Variants in ACE observed in about 807,000 individuals in gnomAD.
The protein encoded by ACE is angiotensin-converting enzyme.
In ACE, 122 loss-of-function variants were observed where a neutral mutation model predicts 162.3. The ratio of observed to expected loss-of-function variants is 0.75; its 90% CI spans 0.65 to 0.87. The LOEUF (loss-of-function observed/expected upper bound fraction) is 0.87. Ranked by LOEUF, ACE falls within the 40% of genes least tolerant of loss-of-function variation. ACE has a pLI of 0.00. For missense variants in ACE, 1,799 were observed against 1,735.1 expected (o/e 1.04, Z -0.65); for synonymous variants, 796 against 720.6 (o/e 1.10, Z -1.68).
In ACE at chr17:63,484,457, C is replaced by T. The variant is rs935167896; in HGVS notation, c.1837C>T (p.Gln613Ter). ...GCCAGTCACCCAGTGGCTGCAGGAG[C>T]AGAACCAGCAGAACGGCGAGGTCCT... ...FQPVTQWLQEQNQQNGEVLGW... is the reference protein window; with the variant it reads ...FQPVTQWLQE Residue 613 changes from glutamine to a stop codon, truncating the protein, a stop_gained, in exon 12 of 25, where the codon CAG becomes TAG. Transcript: ENST00000290866. LOFTEE classifies it high-confidence loss of function. This position sits in a 1 kb window ranked among gnomAD's most constrained non-coding sequence, Gnocchi z 4.0. 6.2e-7 allele frequency: 1 copy of T among 1,611,932 alleles called. No individual in the cohort carries two copies. The highest frequency in any genetic ancestry group is 1.3e-5 in the African/African-American group (1 of 74,922).
rs966519512 is a variant in ACE at position 63,478,817 on chromosome 17, T to C, written c.418-190T>C. 29 of 644,404 alleles carry C rather than the reference T, an allele frequency of 4.5e-5. No homozygotes were observed. The East Asian group carries it at 8.1e-4, about 18-fold the overall frequency. 39.9% of individuals were successfully genotyped at this position (644,404 alleles called of 1,614,324 possible). A position where few individuals can be genotyped will look rare whatever the true frequency, so the allele number is the denominator to read the frequency against. On this transcript the variant is annotated intron_variant, in intron 2 of 24. Coordinates refer to ENST00000290866, the MANE Select transcript of ACE (RefSeq NM_000789.4). The stretch of plus-strand genomic sequence containing the variant: ...CCTGTCCCCCACTCCACAGGCTGCC[T>C]CCACTGGCAGGGGACTCAGAAGTGA...
In ACE at chr17:63,486,660, TAAAG is replaced by T; in HGVS notation, c.2165_2168del (p.Lys722ArgfsTer5). The T allele has an allele frequency of 1.9e-6, 3 of 1,614,166 alleles. No individual in the cohort carries two copies. The highest frequency in any genetic ancestry group is 2.5e-6 in the Non-Finnish European group (3 of 1,180,032). ...CAGAACACCACTATCAAGCGGATCA[TAAAG>T]AAGGTTCAGGACCTAGAACGGGCAG... On this transcript the variant is annotated frameshift_variant, in exon 14 of 25. Coordinates refer to ENST00000290866, the MANE Select transcript of ACE (RefSeq NM_000789.4). LOFTEE classifies it high-confidence loss of function.
At position 63,490,955 on chromosome 17, in the gene ACE, G is replaced by C. The variant is rs558624181; in HGVS notation, c.2643G>C (p.Gly881=). The C allele has an allele frequency of 3.7e-6, 6 of 1,614,168 alleles. No homozygotes were observed. The African/African-American group carries it at 8.0e-5, about 22-fold the overall frequency. Residue 881 remains glycine (G), a splice_region_variant and synonymous_variant, in exon 18 of 25, where the codon GGG becomes GGC. Coordinates refer to ENST00000290866, the MANE Select transcript of ACE (RefSeq NM_000789.4). ...GCCGTCCCCCACACTCGCCTCCAGG[G>C]AACATGTGGGCGCAGACCTGGTCCA... ...LEGPIPAHLL[G]NMWAQTWSNI... is the part of the protein sequence containing the mutation.
intron 22 of ACE, chr17:63,496,141 T>C: frequency 1.9e-6 from 1 of 536,014 alleles, no homozygotes; most frequent in South Asian, 2.0e-5. Context: ...GAGCAGGCCC[T>C]CCTGAGTTGT....
chr17:63,482,097 G>T (rs1435591509), intron 7 of ACE, among the ~76,000 whole-genome samples: 1 of 152,102 alleles, frequency 6.6e-6, no homozygotes, highest in African/African-American at 2.4e-5. Context: ...AGGAGTTCGA[G>T]ACCAGCCTGG....
rs1029316737 is a variant in ACE at position 63,496,660 on chromosome 17, G to C, written c.3504-138G>C. 2.5e-6 allele frequency: 4 copies of C among 1,577,878 alleles called. No homozygotes were observed. The African/African-American group carries it at 5.4e-5, about 21-fold the overall frequency. ...CCTGCAGCGTGGGCCAGGCCTGATT[G>C]CCATCTCCTTAGGCACCTGGAGCCC... On this transcript the variant is annotated intron_variant, in intron 23 of 24. Coordinates refer to ENST00000290866, the MANE Select transcript of ACE (RefSeq NM_000789.4).
In ACE at chr17:63,480,942, A is replaced by C. The variant is rs1409807280; in HGVS notation, c.848-149A>C. 1.3e-5 allele frequency: 10 copies of C among 748,480 alleles called. No homozygotes were observed. In the South Asian group the frequency reaches 1.5e-4, roughly 11 times the overall value. 46.4% of individuals were successfully genotyped at this position (748,480 alleles called of 1,614,324 possible). On this transcript the variant is annotated intron_variant, in intron 5 of 24. Coordinates refer to ENST00000290866, the MANE Select transcript of ACE (RefSeq NM_000789.4). ...CCTCGGAGGAGTGTGGGTGGGACTG[A>C]TGTGTGAGATTTCTGGCCCTAAGCC...
chr17:63,488,577 A>C, intron 15 of ACE, 71 bp from the exon 16 acceptor site: 1 of 1,524,438 alleles, frequency 6.6e-7, no homozygotes, highest in Non-Finnish European at 8.9e-7. Flanking sequence ...CAGCTCTGAA[A>C]TTCTCTGAGC....
intron 3 of ACE, among the ~76,000 whole-genome samples, chr17:63,479,512 C>G (rs2049672428): frequency 6.6e-6 from 1 of 152,188 alleles, no homozygotes; most frequent in Admixed American, 6.5e-5. Flanking sequence ...AAGTGTCTGT[C>G]TGGGTTTTGG....
rs1334538300 is a variant in ACE, at chr17:63,486,711, A to T, written c.2213A>T (p.Glu738Val). 6.2e-7 allele frequency: 1 copy of T among 1,614,018 alleles called. No individual in the cohort carries two copies. Among genetic ancestry groups the T allele is most frequent in the Non-Finnish European group, 8.5e-7 (1 of 1,180,010 alleles). The change falls in exon 14 of 25, where the codon GAG becomes GTG. Residue 738 changes from glutamate to valine, a missense_variant. By Grantham distance (121) the Glu-to-Val change is moderately radical. Coordinates refer to ENST00000290866, the MANE Select transcript of ACE (RefSeq NM_000789.4). ...ERAALPAQELEEYNKILLDME... is the reference protein window; with the variant it reads ...ERAALPAQELVEYNKILLDME... ...GCAGCACTGCCTGCCCAGGAGCTGG[A>T]GGAGGTGTGTGGCTCGCAAGGTACA...
At chr17:63,482,443 C>T (rs748728703) in intron 7 of ACE, 23 bp from the exon 8 acceptor site, 2 of 1,609,778 alleles carry the variant, frequency 1.2e-6, no homozygotes, top group Admixed American at 3.3e-5. Flanking sequence ...GTCACTCTCA[C>T]CCTCGCCCTC....
At chr17:63,480,744 A>G (rs2049693305) in intron 5 of ACE, among the ~76,000 whole-genome samples, 1 of 152,242 alleles carries the variant, frequency 6.6e-6, no homozygotes, top group Non-Finnish European at 1.5e-5. Context: ...CTTAGTGGTC[A>G]GAGAGCTAGG....
Position 63,484,827 on chromosome 17 carries a change from G to T in ACE, c.1921+286G>T. Reference sequence around the variant, plus strand: ...CACACTGCGGGCTCCGCTCTTATTGGCCAGGGGACGGTAGCTGCAGGACTC... The same window carrying T: ...CACACTGCGGGCTCCGCTCTTATTGTCCAGGGGACGGTAGCTGCAGGACTC... On this transcript the variant is annotated intron_variant, in intron 12 of 24. Coordinates refer to ENST00000290866, the MANE Select transcript of ACE (RefSeq NM_000789.4). The surrounding 1 kb of genome is among the most constrained non-coding windows in gnomAD (Gnocchi z 4.0). 2.0e-6 allele frequency: 3 copies of T among 1,533,636 alleles called. No homozygotes were observed. Among genetic ancestry groups the T allele is most frequent in the Non-Finnish European group, 2.6e-6 (3 of 1,139,106 alleles).
Position 63,493,503 on chromosome 17 carries a change from C to G in ACE, c.2980C>G (p.Gln994Glu). 6.2e-7 allele frequency: 1 copy of G among 1,614,100 alleles called. No individual in the cohort carries two copies. Among genetic ancestry groups the G allele is most frequent in the African/African-American group, 1.3e-5 (1 of 75,006 alleles). The change falls in exon 20 of 25, where the codon CAG (glutamine) becomes GAG (glutamate). Residue 994 changes from glutamine to glutamate, a missense_variant. Coordinates refer to ENST00000290866, the MANE Select transcript of ACE (RefSeq NM_000789.4). ...GGCCCACCACGAAATGGGCCACATC[C>G]AGTATTTCATGCAGTACAAAGACTT... The part of the protein sequence containing the change: ...VVAHHEMGHI[Q>E]YFMQYKDLPV...
At position 63,477,125 on chromosome 17, in the gene ACE, G is replaced by T; in HGVS notation, c.31G>T (p.Gly11Trp). 7.2e-7 allele frequency: 1 copy of T among 1,398,242 alleles called. No individual in the cohort carries two copies. The allele number at this position is 1,398,242 out of a possible 1,614,324, so 86.6% of individuals were successfully genotyped here. A position where few individuals can be genotyped will look rare whatever the true frequency, so the allele number is the denominator to read the frequency against. The part of the protein sequence containing the change: MGAASGRRGP[G>W]LLLPLPLLLL... ...GGCCGCCTCGGGCCGCCGGGGGCCGGGGCTGCTGCTGCCGCTGCCGCTGCT... is the reference window on the plus strand; with the variant it reads ...GGCCGCCTCGGGCCGCCGGGGGCCGTGGCTGCTGCTGCCGCTGCCGCTGCT... The change falls in exon 1 of 25, where the codon GGG becomes TGG. Residue 11 changes from glycine to tryptophan, a missense_variant. Gly to Trp is a radical substitution (Grantham distance 184, BLOSUM62 -2). Coordinates refer to ENST00000290866, the MANE Select transcript of ACE (RefSeq NM_000789.4).
chr17:63,487,341 C>T lies in ACE; in HGVS notation c.2305+268C>T, dbSNP rs1426397664. 2.6e-5 allele frequency among the ~76,000 whole-genome samples: 4 copies of T among 152,084 alleles called. 1 individual carries two copies. The highest frequency in any genetic ancestry group is 2.1e-4 in the South Asian group (1 of 4,824). ...ACTCTCTCCTGTCCTCTCTGCATGC[C>T]GCCCCTCAGAGCAGCGGGATCTCAA... On this transcript the variant is annotated intron_variant, in intron 15 of 24. Coordinates refer to ENST00000290866, the MANE Select transcript of ACE (RefSeq NM_000789.4).
rs574717474 is a variant in ACE, at chr17:63,496,929, A to C, written c.3635A>C (p.Asn1212Thr). 17 of 1,613,446 alleles carry C rather than the reference A, an allele frequency of 1.1e-5. No homozygotes were observed. In the South Asian group the frequency reaches 1.6e-4, roughly 16 times the overall value. The change falls in exon 24 of 25, where the codon AAC becomes ACC. Residue 1212 changes from asparagine to threonine, a missense_variant. By Grantham distance (65) the Asn-to-Thr change is moderately conservative. Transcript: ENST00000290866. ...CTGCTGGACTGGCTCCGCACGGAGAACGAGCTGCATGGGGAGAAGCTGGGC... is the reference window on the plus strand; with the variant it reads ...CTGCTGGACTGGCTCCGCACGGAGACCGAGCTGCATGGGGAGAAGCTGGGC... ...KPLLDWLRTE[N>T]ELHGEKLGWP... is the part of the protein sequence containing the mutation.
chr17:63,493,764 G>T, intron 20 of ACE, 105 bp downstream of exon 20: 2 of 1,522,166 alleles, frequency 1.3e-6, no homozygotes, highest in Non-Finnish European at 1.8e-6. Flanking sequence ...GAGGTGTGGG[G>T]CAGAGCAATC....
rs748024013 is a variant in ACE, at chr17:63,481,757, C to T, written c.1118+19C>T. On this transcript the variant is annotated intron_variant, in intron 7 of 24. Transcript: ENST00000290866. ...ACTTCAGGTTCAGACATGGGAAGAGCACGTTCTGGGGTTCCCCGGTTCTGG... is the reference window on the plus strand; with the variant it reads ...ACTTCAGGTTCAGACATGGGAAGAGTACGTTCTGGGGTTCCCCGGTTCTGG... 3.7e-6 allele frequency: 6 copies of T among 1,613,928 alleles called. No individual in the cohort carries two copies. The highest frequency in any genetic ancestry group is 1.7e-4 in the Middle Eastern group (1 of 6,060).
Sources: gnomAD v4.1 joint callset for allele counts (sites outside exome capture counted in the v4.1 genomes callset) on GRCh38, gnomAD v4.1.1 for gene constraint, Gnocchi (gnomAD v3.1) non-coding constraint, MANE v1.5 for transcripts, NCBI Gene and HGNC (gene_info 2026-07-23, HGNC 2026-07-21) for gene names.